NTM: variants seen among roughly 807,000 people sequenced by gnomAD.
NTM encodes IgLON family member 2.
A neutral mutation model predicts 42.1 loss-of-function variants in NTM; 13 were observed. The observed-to-expected ratio is 0.31, with a 90% CI of 0.20 to 0.49. The LOEUF (loss-of-function observed/expected upper bound fraction) is 0.49, where lower values mean the gene tolerates loss of function less well. Among genes scored for constraint, NTM ranks in the 20% least tolerant of loss-of-function variants. The pLI is 0.99. For missense variants in NTM, 373 were observed against 452.8 expected (o/e 0.82, Z 1.60); for synonymous variants, 187 against 179.2 (o/e 1.04, Z -0.35).
At chr11:131,739,342 A>G (rs1591527441) in intron 1 of NTM, among the ~76,000 whole-genome samples, 1 of 152,206 alleles carries the variant, frequency 6.6e-6, no homozygotes, top group East Asian at 1.9e-4. Flanking sequence ...TATGAGTATT[A>G]TAAGTCAGTT....
At chr11:131,896,677 G>A (rs1387343179) in intron 1 of NTM, among the ~76,000 whole-genome samples, 2 of 142,470 alleles carry the variant, frequency 1.4e-5, no homozygotes, top group Non-Finnish European at 3.0e-5. Context: ...GTACATTTTA[G>A]GCTTTTTTTT....
Position 131,508,883 on chromosome 11 carries a change from T to G in NTM, c.82+137995T>G, listed in dbSNP as rs1401206521. Among the ~76,000 whole-genome samples, 6 of 104,794 alleles carry G rather than the reference T, an allele frequency of 5.7e-5. No individual in the cohort carries two copies. In the East Asian group the frequency reaches 1.2e-3, roughly 21 times the overall value. The allele number at this position is 104,794 out of a possible 152,430, so 68.7% of individuals were successfully genotyped here. A position where few individuals can be genotyped will look rare whatever the true frequency, so the allele number is the denominator to read the frequency against. Reference sequence around the variant, plus strand: ...GGGAATATCACACTCTGGGGACTGTTGTGGGGTTGGGGGAGGGGGGAGGGA... The same window carrying G: ...GGGAATATCACACTCTGGGGACTGTGGTGGGGTTGGGGGAGGGGGGAGGGA... On this transcript the variant is annotated intron_variant, in intron 1 of 8. Coordinates refer to ENST00000683400, the MANE Select transcript of NTM (RefSeq NM_001352005.2).
chr11:131,774,428 T>C (rs931738809), intron 1 of NTM, among the ~76,000 whole-genome samples: 2 of 152,252 alleles, frequency 1.3e-5, no homozygotes, highest in African/African-American at 4.8e-5. Context: ...AAAGTCCCTT[T>C]GCCATAATTC....
intron 1 of NTM, among the ~76,000 whole-genome samples, chr11:131,718,701 G>A (rs891180553): frequency 5.3e-5 from 8 of 152,074 alleles, no homozygotes; most frequent in Admixed American, 2.0e-4. Flanking sequence ...TCTCTGTGCA[G>A]ATTTCTCCTC....
At chr11:131,917,841 G>A (rs937130778) in intron 2 of NTM, among the ~76,000 whole-genome samples, 1 of 152,186 alleles carries the variant, frequency 6.6e-6, no homozygotes, top group Non-Finnish European at 1.5e-5. Context: ...GACCAAGGAG[G>A]GAGGCTCCTG....
chr11:131,429,933 G>A (rs1398655999), intron 1 of NTM, among the ~76,000 whole-genome samples: 1 of 152,144 alleles, frequency 6.6e-6, no homozygotes, highest in African/African-American at 2.4e-5. Flanking sequence ...TTCTCAGTCT[G>A]TCCCAAATAT....
intron 1 of NTM, among the ~76,000 whole-genome samples, chr11:131,887,513 G>T (rs554514391): frequency 4.6e-5 from 7 of 152,234 alleles, no homozygotes; most frequent in South Asian, 2.1e-4. Flanking sequence ...CAGCTTCTTT[G>T]TTCTTTCTGT....
intron 1 of NTM, among the ~76,000 whole-genome samples, chr11:131,659,603 A>G (rs1175896856): frequency 1.3e-5 from 2 of 152,260 alleles, no homozygotes; most frequent in Non-Finnish European, 2.9e-5. Context: ...GTTTTAGTTT[A>G]TATATAGCAA....
In NTM at chr11:131,497,585, G is replaced by C. The variant is rs1015064853; in HGVS notation, c.82+126697G>C. 4.6e-5 allele frequency among the ~76,000 whole-genome samples: 7 copies of C among 152,230 alleles called. No individual in the cohort carries two copies. The East Asian group carries it at 9.6e-4, about 21-fold the overall frequency. On this transcript the variant is annotated intron_variant, in intron 1 of 8. Transcript: ENST00000683400. ...CACATTAAAAAGTGCCTGTGGGCAG[G>C]AGCAGCTTTGACCAGAGTGTAGGAT...
chr11:131,652,878 G>A (rs755248032), intron 1 of NTM, among the ~76,000 whole-genome samples: 2 of 152,222 alleles, frequency 1.3e-5, no homozygotes, highest in Admixed American at 6.5e-5. Flanking sequence ...ATGGGTGGCG[G>A]TCACTCCGCC....
At chr11:132,148,826 T>A (rs1453314043) in intron 3 of NTM, among the ~76,000 whole-genome samples, 1 of 151,748 alleles carries the variant, frequency 6.6e-6, no homozygotes, top group African/African-American at 2.4e-5. Context: ...TGGGAGGGGG[T>A]GAGAGGATGG....
At chr11:132,275,694 A>ATATATATG (rs1192703266) in intron 4 of NTM, among the ~76,000 whole-genome samples, 3 of 141,780 alleles carry the variant, frequency 2.1e-5, no homozygotes, top group Non-Finnish European at 4.5e-5. Flanking sequence ...GATGTTTTAT[A>ATATATATG]TATATATGTA....
intron 1 of NTM, among the ~76,000 whole-genome samples, chr11:131,788,849 G>C (rs939280737): frequency 1.3e-5 from 2 of 152,120 alleles, no homozygotes; most frequent in African/African-American, 4.8e-5. Context: ...TTTCAAGGGT[G>C]GGTTTGAACA....
chr11:131,513,790 C>T (rs2048550428), intron 1 of NTM, among the ~76,000 whole-genome samples: 1 of 152,124 alleles, frequency 6.6e-6, no homozygotes, highest in Non-Finnish European at 1.5e-5. Flanking sequence ...GTGTAAAGGT[C>T]CCTGGCAGAC....
chr11:131,901,632 CT>C (rs1262895496), intron 1 of NTM, among the ~76,000 whole-genome samples: 1 of 151,656 alleles, frequency 6.6e-6, no homozygotes, highest in East Asian at 1.9e-4. Flanking sequence ...TATATCTTAG[CT>C]TTAAGCAGCT....
chr11:131,737,849 C>T (rs1015989542), intron 1 of NTM, among the ~76,000 whole-genome samples: 5 of 152,130 alleles, frequency 3.3e-5, no homozygotes, highest in Admixed American at 6.5e-5. Context: ...GTTGACACCG[C>T]GGGCCCCAGG....
chr11:131,940,109 C>T lies in NTM; in HGVS notation c.167+28461C>T, dbSNP rs146216660. On this transcript the variant is annotated intron_variant, in intron 2 of 8. Coordinates refer to ENST00000683400, the MANE Select transcript of NTM (RefSeq NM_001352005.2). The stretch of plus-strand genomic sequence containing the variant: ...GAGAGCTTTTCTCACTGTTTTTAGT[C>T]TCACTGAAGATGATCCCAGTATGGG... Among the ~76,000 whole-genome samples the T allele has an allele frequency of 1.9e-3, 284 of 152,342 alleles. 4 individuals are homozygous for T. The highest frequency in any genetic ancestry group is 6.6e-3 in the African/African-American group (275 of 41,572).
At chr11:131,885,538 C>T (rs79559708) in intron 1 of NTM, among the ~76,000 whole-genome samples, 2 of 152,164 alleles carry the variant, frequency 1.3e-5, no homozygotes, top group Non-Finnish European at 2.9e-5. Context: ...CGCTCTTCCT[C>T]AGGGGCTGAG....
rs928545160 is a variant in NTM at position 132,336,084 on chromosome 11, C to G, written c.*938C>G. ...CATCTCTTGCAGACAATACTATGCTCTCTACACACTGTTTAGAAATGGAAA... is the reference window on the plus strand; with the variant it reads ...CATCTCTTGCAGACAATACTATGCTGTCTACACACTGTTTAGAAATGGAAA... On this transcript the variant is annotated 3_prime_UTR_variant, in exon 9 of 9. Transcript: ENST00000683400. 1 of 152,574 alleles carries G rather than the reference C, an allele frequency of 6.6e-6. No homozygotes were observed. The highest frequency in any genetic ancestry group is 1.5e-5 in the Non-Finnish European group (1 of 68,030). The allele number at this position is 152,574 out of a possible 1,614,324, so 9.5% of individuals were successfully genotyped here. A position where few individuals can be genotyped will look rare whatever the true frequency, so the allele number is the denominator to read the frequency against.
Sources: gnomAD v4.1 joint callset for allele counts (sites outside exome capture counted in the v4.1 genomes callset) on GRCh38, gnomAD v4.1.1 for gene constraint, MANE v1.5 for transcripts, NCBI Gene and HGNC (gene_info 2026-07-23, HGNC 2026-07-21) for gene names.